Variants in PAK5 observed in about 807,000 individuals in gnomAD.
The protein encoded by PAK5 is serine/threonine-protein kinase PAK 5.
In PAK5, 16 loss-of-function variants were observed where a neutral mutation model predicts 65.9. The ratio of observed to expected loss-of-function variants is 0.24; its 90% CI spans 0.16 to 0.37. The LOEUF is 0.37. Ranked by LOEUF, PAK5 falls within the 10% of genes least tolerant of loss-of-function variation. The pLI, the probability that PAK5 is intolerant of heterozygous loss-of-function variation, is 1.00. For synonymous variants in PAK5, 371 were observed against 354.9 expected, an observed-to-expected ratio of 1.05 and a Z score of -0.51; for missense variants, 785 against 903.9, an observed-to-expected ratio of 0.87 and a Z score of 1.69.
In PAK5 at chr20:9,599,886, T is replaced by A. The variant is rs187817805; in HGVS notation, c.205-18956A>T. ...TAATTTATCATTTTTTTTCTTTCGG[T>A]GCTTGCGCTTTTGGTGTAATTTTCA... On this transcript the variant is annotated intron_variant, in intron 3 of 9. Coordinates refer to ENST00000353224, the MANE Select transcript of PAK5 (RefSeq NM_177990.4). 6.2e-3 allele frequency among the ~76,000 whole-genome samples: 941 copies of A among 152,338 alleles called. 4 individuals carry two copies. The highest frequency in any genetic ancestry group is 9.6e-3 in the Non-Finnish European group (652 of 68,030).
At chr20:9,738,074 G>A (rs952978908) in intron 1 of PAK5, among the ~76,000 whole-genome samples, 3 of 152,110 alleles carry the variant, frequency 2.0e-5, no homozygotes, top group Non-Finnish European at 4.4e-5. Context: ...CTGGGAGGTG[G>A]AGGTTGCAGT....
intron 1 of PAK5, among the ~76,000 whole-genome samples, chr20:9,827,738 G>C (rs2123783562): frequency 6.6e-6 from 1 of 152,298 alleles, no homozygotes; most frequent in East Asian, 1.9e-4. Flanking sequence ...ATAGGAGGCT[G>C]ACAGAAGATC....
intron 4 of PAK5, chr20:9,577,808 A>C (rs1345679551): frequency 6.6e-6 from 1 of 152,236 alleles, no homozygotes; most frequent in African/African-American, 2.4e-5. Context: ...GTAAGGGCTG[A>C]ACACCCTTGG....
chr20:9,558,334 A>C (rs968025917), intron 6 of PAK5, among the ~76,000 whole-genome samples: 1 of 151,670 alleles, frequency 6.6e-6, no homozygotes, highest in African/African-American at 2.4e-5. Context: ...CTGGTCTTGA[A>C]CTACTCCTGA....
rs1252319558 is a variant in PAK5 at position 9,566,137 on chromosome 20, G to A, written c.1238C>T (p.Pro413Leu). The change falls in exon 5 of 10, where the codon CCG becomes CTG. Residue 413 changes from proline to leucine, a missense_variant. By Grantham distance (98) the Pro-to-Leu change is moderately conservative. Around this residue, in one of 4 missense-constraint regions of PAK5, gnomAD observed 422 missense variants for 413.3 expected, o/e 1.02. Transcript: ENST00000353224. ...GTCGGAGGAGGAGCCCCAGCTGGGCGGCGGGTAGGTGCTGGATGAGAGGCT... is the reference window on the plus strand; with the variant it reads ...GTCGGAGGAGGAGCCCCAGCTGGGCAGCGGGTAGGTGCTGGATGAGAGGCT... ...SLSLSSSTYP[P>L]PSWGSSSDQQ... The A allele has an allele frequency of 3.1e-6, 5 of 1,613,758 alleles. No homozygotes were observed. The African/African-American group carries it at 5.3e-5, about 17-fold the overall frequency.
intron 2 of PAK5, among the ~76,000 whole-genome samples, chr20:9,674,989 A>G (rs1203505400): frequency 6.6e-6 from 1 of 152,202 alleles, no homozygotes; most frequent in Non-Finnish European, 1.5e-5. Flanking sequence ...GGGTGGCCCA[A>G]GGAGGGGGAA....
At chr20:9,639,160 G>A (rs2047019149) in intron 3 of PAK5, among the ~76,000 whole-genome samples, 1 of 152,064 alleles carries the variant, frequency 6.6e-6, no homozygotes, top group Non-Finnish European at 1.5e-5. Flanking sequence ...ATTCTTAGGT[G>A]ACTTGTAAGA....
At chr20:9,697,525 T>C (rs1023357633) in intron 2 of PAK5, among the ~76,000 whole-genome samples, 11 of 152,118 alleles carry the variant, frequency 7.2e-5, no homozygotes, top group Non-Finnish European at 1.5e-4. Context: ...TGAATCTTTA[T>C]GGTTGTGTCT....
At chr20:9,668,191 G>A (rs988974072) in intron 2 of PAK5, among the ~76,000 whole-genome samples, 3 of 152,120 alleles carry the variant, frequency 2.0e-5, no homozygotes, top group Non-Finnish European at 2.9e-5. Flanking sequence ...TAAGACAATA[G>A]CACATGTACT....
chr20:9,681,178 T>C (rs1362061629), intron 2 of PAK5, among the ~76,000 whole-genome samples: 1 of 152,240 alleles, frequency 6.6e-6, no homozygotes, highest in Non-Finnish European at 1.5e-5. Context: ...TAACATTCAC[T>C]TGAGTTTTTA....
chr20:9,579,153 G>A (rs1169378341), intron 4 of PAK5, among the ~76,000 whole-genome samples: 1 of 152,134 alleles, frequency 6.6e-6, no homozygotes, highest in African/African-American at 2.4e-5. Flanking sequence ...AGTTTTCTGT[G>A]CTGCTCACCA....
intron 9 of PAK5, among the ~76,000 whole-genome samples, chr20:9,539,964 A>C (rs1293308122): frequency 2.0e-5 from 3 of 152,208 alleles, no homozygotes; most frequent in Non-Finnish European, 4.4e-5. Flanking sequence ...TAGTATAAAC[A>C]GGGAGCCGTT....
intron 2 of PAK5, among the ~76,000 whole-genome samples, chr20:9,645,743 C>G (rs190720421): frequency 6.6e-6 from 1 of 152,276 alleles, no homozygotes; most frequent in African/African-American, 2.4e-5. Flanking sequence ...CTCCACCATG[C>G]CCAAGCTAAT....
chr20:9,603,892 T>C (rs1319840196), intron 3 of PAK5, among the ~76,000 whole-genome samples: 1 of 152,196 alleles, frequency 6.6e-6, no homozygotes, highest in Non-Finnish European at 1.5e-5. Flanking sequence ...AACCCACATC[T>C]TCACTGCTAC....
chr20:9,546,947 T>C (rs1186503195), intron 7 of PAK5, among the ~76,000 whole-genome samples: 1 of 152,210 alleles, frequency 6.6e-6, no homozygotes, highest in Admixed American at 6.5e-5. Context: ...CTACAGTGGG[T>C]TGAATATCTC....
At chr20:9,564,833 C>T (rs1310294547) in intron 5 of PAK5, among the ~76,000 whole-genome samples, 3 of 151,824 alleles carry the variant, frequency 2.0e-5, no homozygotes, top group African/African-American at 7.3e-5. Context: ...ATTATTAAGC[C>T]ATTAAAATTG....
At chr20:9,817,445 G>T (rs995143828) in intron 1 of PAK5, among the ~76,000 whole-genome samples, 9 of 152,078 alleles carry the variant, frequency 5.9e-5, no homozygotes, top group African/African-American at 2.2e-4. Flanking sequence ...CTTAATATGT[G>T]CCAGGCCCTG....
chr20:9,688,553 T>G (rs1331714166), intron 2 of PAK5, among the ~76,000 whole-genome samples: 1 of 151,856 alleles, frequency 6.6e-6, no homozygotes, highest in African/African-American at 2.4e-5. Flanking sequence ...GCTGATAGCA[T>G]CCTTGTCTGC....
intron 2 of PAK5, among the ~76,000 whole-genome samples, chr20:9,682,348 G>C (rs6141003): frequency 0.29 from 44,111 of 151,894 alleles, 6,772 homozygotes; most frequent in African/African-American, 0.38. Context: ...CAGAGCAAGA[G>C]TCTGTCTAGA....
Sources: allele counts gnomAD v4.1 joint callset (sites outside exome capture counted in the v4.1 genomes callset), GRCh38; gene constraint gnomAD v4.1.1; regional missense constraint gnomAD v4.1.1; transcripts MANE v1.5; gene names NCBI Gene and HGNC (gene_info 2026-07-23, HGNC 2026-07-21).